Variants in DOCK3 observed in about 807,000 individuals in gnomAD.
The protein encoded by DOCK3 is dedicator of cytokinesis 3, also known as dedicator of cytokinesis protein 3.
Under a neutral mutation model 265.6 loss-of-function variants are expected in DOCK3, and 60 were observed. The observed-to-expected ratio is 0.23, with a 90% confidence interval of 0.18 to 0.28. The LOEUF (loss-of-function observed/expected upper bound fraction) is 0.28, where lower values mean the gene tolerates loss of function less well. Among genes scored for constraint, DOCK3 ranks in the 10% least tolerant of loss-of-function variants. DOCK3 has a pLI of 1.00. For synonymous variants in DOCK3, 881 were observed against 938.0 expected (o/e 0.94, Z 1.11); for missense variants, 1,981 against 2,594.3 (o/e 0.76, Z 5.14).
At chr3:50,961,272 G>C (rs1167345853) in intron 5 of DOCK3, among the ~76,000 whole-genome samples, 1 of 152,080 alleles carries the variant, frequency 6.6e-6, no homozygotes. Context: ...AATTATAGTT[G>C]GCAGATTTTT....
chr3:50,683,358 T>C (rs2034545728), intron 1 of DOCK3, among the ~76,000 whole-genome samples: 1 of 152,262 alleles, frequency 6.6e-6, no homozygotes, highest in African/African-American at 2.4e-5. Flanking sequence ...AAGATATTAC[T>C]ATATTTTCTT....
intron 9 of DOCK3, among the ~76,000 whole-genome samples, chr3:51,123,093 T>C (rs562228763): frequency 1.2e-4 from 18 of 152,278 alleles, no homozygotes; most frequent in African/African-American, 3.9e-4. Flanking sequence ...CTCCACACTT[T>C]GCTCCTGACC....
intron 2 of DOCK3, among the ~76,000 whole-genome samples, chr3:50,799,647 C>G (rs748623396): frequency 2.6e-5 from 4 of 152,152 alleles, no homozygotes; most frequent in Admixed American, 6.5e-5. Context: ...ATCATGTCAT[C>G]TGCAAACAGG....
intron 31 of DOCK3, among the ~76,000 whole-genome samples, chr3:51,313,929 T>C (rs1266358727): frequency 6.6e-6 from 1 of 152,238 alleles, no homozygotes; most frequent in Non-Finnish European, 1.5e-5. Context: ...TGGAATATGC[T>C]GAACCAGCCT....
Position 51,017,775 on chromosome 3 carries a change from T to C in DOCK3, c.316-46673T>C, listed in dbSNP as rs950418940. On this transcript the variant is annotated intron_variant, in intron 5 of 52. Transcript: ENST00000266037. The stretch of plus-strand genomic sequence containing the variant: ...CTAACATATGGTCTATCATTGAGAA[T>C]GATCATGGCTGAGAAAAAAATGCTA... 1.1e-4 allele frequency among the ~76,000 whole-genome samples: 17 copies of C among 152,038 alleles called. No individual in the cohort carries two copies. In the East Asian group the frequency reaches 2.7e-3, roughly 24 times the overall value.
At chr3:50,932,631 C>T (rs1190665656) in intron 4 of DOCK3, among the ~76,000 whole-genome samples, 1 of 152,154 alleles carries the variant, frequency 6.6e-6, no homozygotes, top group Non-Finnish European at 1.5e-5. Context: ...CAGCTGGTCC[C>T]AGTCATACCA....
At chr3:50,763,312 G>T (rs554722634) in intron 1 of DOCK3, among the ~76,000 whole-genome samples, 38 of 151,838 alleles carry the variant, frequency 2.5e-4, no homozygotes, top group African/African-American at 9.2e-4. Flanking sequence ...ATGGAGTCTC[G>T]CTCTGTTGCC....
intron 10 of DOCK3, among the ~76,000 whole-genome samples, chr3:51,149,376 G>C (rs184243372): frequency 1.3e-5 from 2 of 152,296 alleles, no homozygotes; most frequent in East Asian, 3.9e-4. Context: ...CCAACACTAT[G>C]TTGAATAGGA....
intron 4 of DOCK3, among the ~76,000 whole-genome samples, chr3:50,911,794 A>G (rs545808018): frequency 1.3e-5 from 2 of 152,164 alleles, no homozygotes; most frequent in Non-Finnish European, 2.9e-5. Context: ...TATTCTTCCT[A>G]TTCATGAACA....
intron 1 of DOCK3, among the ~76,000 whole-genome samples, chr3:50,686,122 G>A (rs2034780280): frequency 6.6e-6 from 1 of 151,948 alleles, no homozygotes; most frequent in South Asian, 2.1e-4. Context: ...AACTCACCAT[G>A]ATGTAGAATC....
chr3:51,159,295 A>G lies in DOCK3; in HGVS notation c.880A>G (p.Ile294Val). 6.2e-7 allele frequency: 1 copy of G among 1,613,462 alleles called. No homozygotes were observed. Among genetic ancestry groups the G allele is most frequent in the Non-Finnish European group, 8.5e-7 (1 of 1,179,572 alleles). ...AGATTTGTATATCGTTGCCCATGTGATCCGAATAGGTACTGTTCACCTTAC... is the reference window on the plus strand; with the variant it reads ...AGATTTGTATATCGTTGCCCATGTGGTCCGAATAGGTACTGTTCACCTTAC... ...KRDLYIVAHV[I>V]RIGRMLLNDS... is the part of the protein sequence containing the mutation. The change falls in exon 11 of 53, where the codon ATC (isoleucine) becomes GTC (valine). Residue 294 changes from isoleucine to valine, a missense_variant. By Grantham distance (29) the Ile-to-Val change is conservative. Transcript: ENST00000266037.
chr3:50,899,455 TG>T (rs2049066277), intron 4 of DOCK3, among the ~76,000 whole-genome samples: 1 of 152,222 alleles, frequency 6.6e-6, no homozygotes, highest in South Asian at 2.1e-4. Flanking sequence ...GTCTTTTAAT[TG>T]GGGCATTTAG....
chr3:51,316,886 T>G (rs897898326), intron 32 of DOCK3, among the ~76,000 whole-genome samples: 5 of 152,330 alleles, frequency 3.3e-5, no homozygotes, highest in Admixed American at 2.6e-4. Context: ...TTTACAGATA[T>G]TTTCTGCAAA....
chr3:50,687,737 A>C (rs1010183303), intron 1 of DOCK3, among the ~76,000 whole-genome samples: 1 of 152,234 alleles, frequency 6.6e-6, no homozygotes, highest in African/African-American at 2.4e-5. Flanking sequence ...GTGAAATTAG[A>C]AAGCTGTCCA....
intron 12 of DOCK3, among the ~76,000 whole-genome samples, chr3:51,172,256 A>G (rs578109767): frequency 8.8e-4 from 134 of 151,494 alleles, no homozygotes; most frequent in African/African-American, 3.1e-3. Context: ...ACTCACTGCA[A>G]CCTCCGCCTC....
chr3:51,345,140 A>G (rs1008756817), intron 38 of DOCK3, among the ~76,000 whole-genome samples: 6 of 152,176 alleles, frequency 3.9e-5, no homozygotes, highest in Non-Finnish European at 8.8e-5. Flanking sequence ...GCTAGCCCCC[A>G]TGAAGCTGCC....
intron 23 of DOCK3, among the ~76,000 whole-genome samples, chr3:51,261,423 C>T (rs2079842129): frequency 6.6e-6 from 1 of 152,178 alleles, no homozygotes; most frequent in African/African-American, 2.4e-5. Flanking sequence ...ACCTGCAGAC[C>T]AGGAGATTCC....
intron 10 of DOCK3, among the ~76,000 whole-genome samples, chr3:51,151,622 A>G (rs961212928): frequency 1.3e-5 from 2 of 152,200 alleles, no homozygotes; most frequent in Non-Finnish European, 2.9e-5. Flanking sequence ...ATGTTTTTGC[A>G]GTGGCTGGTA....
At chr3:50,956,794 C>T (rs2076742498) in intron 5 of DOCK3, among the ~76,000 whole-genome samples, 2 of 152,180 alleles carry the variant, frequency 1.3e-5, no homozygotes, top group Admixed American at 1.3e-4. Flanking sequence ...TGAACAAATT[C>T]ACAGTACTTG....
Sources: allele counts gnomAD v4.1 joint callset (sites outside exome capture counted in the v4.1 genomes callset), GRCh38; gene constraint gnomAD v4.1.1; transcripts MANE v1.5; gene names NCBI Gene and HGNC (gene_info 2026-07-23, HGNC 2026-07-21).